The following BLOC1S2 variants were observed in gnomAD, a reference collection of about 807,000 sequenced individuals.
BLOC1S2 encodes biogenesis of lysosome-related organelles complex 1 subunit 2.
Under a neutral mutation model 19.6 loss-of-function variants are expected in BLOC1S2, and 12 were observed. That is an observed-to-expected ratio of 0.61 (90% CI 0.39 to 0.99). The LOEUF is 0.99. Ranked by LOEUF, BLOC1S2 falls within the 50% of genes least tolerant of loss-of-function variation. BLOC1S2 has a pLI of 0.00. For missense variants in BLOC1S2, 142 were observed against 171.0 expected (o/e 0.83, Z 0.95); for synonymous variants, 66 against 64.1 (o/e 1.03, Z -0.14).
intron 2 of BLOC1S2, among the ~76,000 whole-genome samples, chr10:100,284,539 T>G (rs1848187130): frequency 6.6e-6 from 1 of 152,206 alleles, no homozygotes; most frequent in Non-Finnish European, 1.5e-5. Flanking sequence ...TCACCCAGGC[T>G]GGAGTGCAAT....
chr10:100,284,478 G>A (rs1006320001), intron 2 of BLOC1S2, among the ~76,000 whole-genome samples: 1 of 152,076 alleles, frequency 6.6e-6, no homozygotes, highest in African/African-American at 2.4e-5. Flanking sequence ...TTGGGCAACG[G>A]AGCAGACCTC....
intron 3 of BLOC1S2, 89 bp downstream of exon 3, chr10:100,280,845 G>A: frequency 7.0e-7 from 1 of 1,422,476 alleles, no homozygotes; most frequent in Non-Finnish European, 9.2e-7. Flanking sequence ...CACAAGACAA[G>A]GATGTCATGT....
At chr10:100,277,446 G>C (rs1455820756) in intron 4 of BLOC1S2, among the ~76,000 whole-genome samples, 1 of 144,710 alleles carries the variant, frequency 6.9e-6, no homozygotes, top group East Asian at 2.1e-4. Context: ...CACCCCGTCC[G>C]GGAGGGAGGT....
Position 100,286,626 on chromosome 10 carries a change from G to A in BLOC1S2, c.34C>T (p.Arg12Trp), listed in dbSNP as rs982229538. The A allele has an allele frequency of 1.6e-5, 25 of 1,612,282 alleles. No individual in the cohort carries two copies. The highest frequency in any genetic ancestry group is 2.2e-5 in the East Asian group (1 of 44,840). Residue 12 changes from arginine to tryptophan, a missense_variant, in exon 1 of 5, where the codon CGG (arginine) becomes TGG (tryptophan). Physicochemically the swap from Arg to Trp is moderately radical, Grantham distance 101 (BLOSUM62 -3). This residue lies in a region of BLOC1S2 where 48 missense variants were observed against 29.7 expected (regional missense o/e 1.61). Transcript: ENST00000370372. ...AAAAEGVLAT[R>W]SDEPARDDAA... ...GTACCTCGGGCGGGCTCATCACTCC[G>A]GGTCGCCAGTACGCCCTCGGCTGCC...
At chr10:100,280,408 G>C (rs1413484546) in intron 3 of BLOC1S2, among the ~76,000 whole-genome samples, 180 bp from the exon 4 acceptor site, 1 of 152,188 alleles carries the variant, frequency 6.6e-6, no homozygotes, top group African/African-American at 2.4e-5. Context: ...TAGTTGATCA[G>C]GCACGACTGT....
At position 100,274,463 on chromosome 10, in the gene BLOC1S2, G is replaced by A. The variant is rs1847802668; in HGVS notation, c.*999C>T. 2 of 152,526 alleles carry A rather than the reference G, an allele frequency of 1.3e-5. No individual in the cohort carries two copies. 9.4% of individuals were successfully genotyped at this position (152,526 alleles called of 1,614,324 possible). On this transcript the variant is annotated 3_prime_UTR_variant, in exon 5 of 5. Coordinates refer to ENST00000370372, the MANE Select transcript of BLOC1S2 (RefSeq NM_173809.5). Reference sequence around the variant, plus strand: ...AGTCCAGGAAGAACAGAGGATAAATGATGACTGTCTGGAACAGAGGGGAAA... The same window carrying A: ...AGTCCAGGAAGAACAGAGGATAAATAATGACTGTCTGGAACAGAGGGGAAA...
rs1424102488 is a variant in BLOC1S2 at position 100,278,100 on chromosome 10, G to A, written c.397+2024C>T. On this transcript the variant is annotated intron_variant, in intron 4 of 4. Transcript: ENST00000370372. ...GCCGGGCCAGCCGCTCCGTCCGGGAGGGAGGTGGGGGGGCGGTCAGCGCCC... is the reference window on the plus strand; with the variant it reads ...GCCGGGCCAGCCGCTCCGTCCGGGAAGGAGGTGGGGGGGCGGTCAGCGCCC... 6.3e-4 allele frequency among the ~76,000 whole-genome samples: 70 copies of A among 110,912 alleles called. 5 individuals are homozygous for A. The highest frequency in any genetic ancestry group is 2.3e-3 in the African/African-American group (68 of 29,068). The allele number at this position is 110,912 out of a possible 152,430, so 72.8% of individuals were successfully genotyped here.
chr10:100,278,714 C>T (rs1249198587), intron 4 of BLOC1S2, among the ~76,000 whole-genome samples: 2 of 152,150 alleles, frequency 1.3e-5, no homozygotes, highest in Non-Finnish European at 2.9e-5. Context: ...AAACCAGAGA[C>T]CTTTGTTCAC....
chr10:100,277,443 T>C (rs1168411142), intron 4 of BLOC1S2, among the ~76,000 whole-genome samples: 11 of 131,148 alleles, frequency 8.4e-5, no homozygotes, highest in African/African-American at 2.9e-4. Context: ...AGCCACCCCG[T>C]CCGGGAGGGA....
chr10:100,274,860 A>G lies in BLOC1S2; in HGVS notation c.*602T>C, dbSNP rs778568428. ...AATAAACAAGAGGGGCCCATCACAT[A>G]CGCCAAGTTATCAATACTCCTTTCA... On this transcript the variant is annotated 3_prime_UTR_variant, in exon 5 of 5. Transcript: ENST00000370372. 7 of 397,796 alleles carry G rather than the reference A, an allele frequency of 1.8e-5. No homozygotes were observed. Among genetic ancestry groups the G allele is most frequent in the Non-Finnish European group, 2.7e-5 (6 of 225,822 alleles). The allele number at this position is 397,796 out of a possible 1,614,324, so 24.6% of individuals were successfully genotyped here.
intron 4 of BLOC1S2, among the ~76,000 whole-genome samples, chr10:100,278,025 C>T (rs1374322503): frequency 3.3e-5 from 4 of 119,948 alleles, no homozygotes; most frequent in African/African-American, 6.6e-5. Context: ...ATCAGCCCCC[C>T]GCCCGGCCAG....
rs533921953 is a variant in BLOC1S2, at chr10:100,281,297, A to C, written c.173-244T>G. ...CAGAAGGTTCAGGATCATGGTTACAAAGGGAAATGATAAACTCATGTCCTA... is the reference window on the plus strand; with the variant it reads ...CAGAAGGTTCAGGATCATGGTTACACAGGGAAATGATAAACTCATGTCCTA... On this transcript the variant is annotated intron_variant, in intron 2 of 4. Transcript: ENST00000370372. Among the ~76,000 whole-genome samples the C allele has an allele frequency of 3.9e-5, 6 of 152,336 alleles. No homozygotes were observed. In the South Asian group the frequency reaches 1.2e-3, roughly 32 times the overall value.
In BLOC1S2 at chr10:100,273,828, T is replaced by A. The variant is rs1847783940; in HGVS notation, c.*1634A>T. The A allele has an allele frequency of 6.9e-6, 1 of 144,818 alleles. No homozygotes were observed. The highest frequency in any genetic ancestry group is 2.6e-5 in the African/African-American group (1 of 38,072). The allele number at this position is 144,818 out of a possible 1,614,324, so 9.0% of individuals were successfully genotyped here. A position where few individuals can be genotyped will look rare whatever the true frequency, so the allele number is the denominator to read the frequency against. ...TCCAGCCCAGGCGACAGAGCAAGACTTCATCTCAAAAAAAAAAAAAAAATA... is the reference window on the plus strand; with the variant it reads ...TCCAGCCCAGGCGACAGAGCAAGACATCATCTCAAAAAAAAAAAAAAAATA... On this transcript the variant is annotated 3_prime_UTR_variant, in exon 5 of 5. Coordinates refer to ENST00000370372, the MANE Select transcript of BLOC1S2 (RefSeq NM_173809.5).
At chr10:100,277,061 C>T (rs1448606579) in intron 4 of BLOC1S2, among the ~76,000 whole-genome samples, 1 of 150,396 alleles carries the variant, frequency 6.6e-6, no homozygotes, top group African/African-American at 2.5e-5. Context: ...AAGTGAGGAG[C>T]GCCTCCTCCC....
intron 2 of BLOC1S2, 27 bp from the exon 3 acceptor site, chr10:100,281,080 G>C: frequency 6.2e-7 from 1 of 1,609,796 alleles, no homozygotes; most frequent in African/African-American, 1.3e-5. Flanking sequence ...AAGATGTAAT[G>C]TCTTTAAGAT....
intron 1 of BLOC1S2, 183 bp from the exon 2 acceptor site, chr10:100,286,396 G>A (rs1374602732): frequency 1.4e-6 from 2 of 1,455,908 alleles, no homozygotes. Context: ...CGCCTCCCTC[G>A]CACCGCCCCT....
At chr10:100,280,639 T>C (rs1038228843) in intron 3 of BLOC1S2, among the ~76,000 whole-genome samples, 2 of 152,222 alleles carry the variant, frequency 1.3e-5, no homozygotes, top group African/African-American at 4.8e-5. Context: ...TTTCTGCTTA[T>C]AGAGTAATCC....
intron 4 of BLOC1S2, among the ~76,000 whole-genome samples, chr10:100,278,443 T>A (rs1848004082): frequency 6.6e-6 from 1 of 152,208 alleles, no homozygotes; most frequent in Non-Finnish European, 1.5e-5. Context: ...CGTGTCTGTG[T>A]AGAAAGAAGT....
At chr10:100,279,578 CA>C (rs981121981) in intron 4 of BLOC1S2, among the ~76,000 whole-genome samples, 1 of 150,402 alleles carries the variant, frequency 6.6e-6, no homozygotes, top group Admixed American at 6.6e-5. Context: ...ACTAAAAGTA[CA>C]AAAAAAAATC....
Sources: gnomAD v4.1 joint callset for allele counts (sites outside exome capture counted in the v4.1 genomes callset) on GRCh38, gnomAD v4.1.1 for gene constraint, gnomAD v4.1.1 regional missense constraint, MANE v1.5 for transcripts, NCBI Gene and HGNC (gene_info 2026-07-23, HGNC 2026-07-21) for gene names.